Variants in SMU1 observed in about 807,000 individuals in gnomAD.
The protein encoded by SMU1 is WD40 repeat-containing protein SMU1.
SMU1 carries 2 observed loss-of-function variants against 62.0 expected under a neutral mutation model. The observed-to-expected ratio is 0.03, with a 90% CI of 0.01 to 0.10. The LOEUF (loss-of-function observed/expected upper bound fraction) is 0.10, where lower values mean the gene tolerates loss of function less well. Among genes scored for constraint, SMU1 ranks in the 10% least tolerant of loss-of-function variants. The pLI, the probability that SMU1 is intolerant of heterozygous loss-of-function variation, is 1.00. For synonymous variants in SMU1, 188 were observed against 212.4 expected (o/e 0.89, Z 1.00); for missense variants, 227 against 622.1 (o/e 0.36, Z 6.76).
chr9:33,044,372 A>T lies in SMU1; in HGVS notation c.*2921T>A, dbSNP rs1188519129. 1 of 152,252 alleles carries T rather than the reference A, an allele frequency of 6.6e-6. No individual in the cohort carries two copies. Among genetic ancestry groups the T allele is most frequent in the East Asian group, 1.9e-4 (1 of 5,192 alleles). 9.4% of individuals were successfully genotyped at this position (152,252 alleles called of 1,614,324 possible). ...TGACAGTTGGCTCTAGCGGGTGCGC[A>T]GTCTCCCTACCCCCGGTAAGGGGCT... is the stretch of plus-strand genomic sequence containing the variant. On this transcript the variant is annotated 3_prime_UTR_variant, in exon 12 of 12. Transcript: ENST00000397149.
At chr9:33,053,007 CG>C (rs1442162873) in intron 10 of SMU1, 115 bp downstream of exon 10, 1 of 821,702 alleles carries the variant, frequency 1.2e-6, no homozygotes, top group Non-Finnish European at 2.0e-6. Context: ...ACAGCTTAAA[CG>C]GTTTACAGAG....
chr9:33,058,432 T>C (rs1205616812), intron 6 of SMU1, among the ~76,000 whole-genome samples: 1 of 152,174 alleles, frequency 6.6e-6, no homozygotes, highest in Non-Finnish European at 1.5e-5. Flanking sequence ...TACTCCTGCA[T>C]CAGGTTCCTA....
rs1232816466 is a variant in SMU1 at position 33,056,345 on chromosome 9, T to C, written c.996-106A>G. 28 of 1,184,268 alleles carry C rather than the reference T, an allele frequency of 2.4e-5. No individual in the cohort carries two copies. In the Admixed American group the frequency reaches 6.9e-4, roughly 29 times the overall value. 73.4% of individuals were successfully genotyped at this position (1,184,268 alleles called of 1,614,324 possible). ...TAAATTACAGAAGCTCATGTTATAA[T>C]ATTAAGTGAAGAGGGCTATGTGATT... On this transcript the variant is annotated intron_variant, in intron 8 of 11. Transcript: ENST00000397149.
intron 2 of SMU1, among the ~76,000 whole-genome samples, chr9:33,072,559 C>T (rs1284512767): frequency 3.3e-5 from 5 of 151,876 alleles, no homozygotes; most frequent in African/African-American, 9.7e-5. Context: ...TGCCCAGACA[C>T]GGCAGCTCAC....
chr9:33,071,663 TAAAAAA>T, intron 3 of SMU1, 71 bp downstream of exon 3: 1 of 1,159,790 alleles, frequency 8.6e-7, no homozygotes, highest in Non-Finnish European at 1.2e-6. Context: ...AATAAAATGG[TAAAAAA>T]AAAAAAAAAA....
chr9:33,056,509 T>A (rs553225489), intron 8 of SMU1, among the ~76,000 whole-genome samples: 1 of 152,306 alleles, frequency 6.6e-6, no homozygotes, highest in East Asian at 1.9e-4. Context: ...AGCAGGAGAT[T>A]GAGATCAGTG....
chr9:33,059,712 T>C (rs1351305465), intron 6 of SMU1, among the ~76,000 whole-genome samples: 1 of 149,278 alleles, frequency 6.7e-6, no homozygotes, highest in African/African-American at 2.5e-5. Context: ...TTCAAGCAAT[T>C]TTCCTGCCTC....
Position 33,073,743 on chromosome 9 carries a change from C to T in SMU1, c.90G>A (p.Leu30=). Residue 30 remains leucine (L), a synonymous_variant, in exon 2 of 12, where the codon TTG becomes TTA. Coordinates refer to ENST00000397149, the MANE Select transcript of SMU1 (RefSeq NM_018225.3). ...TCAGAGACACAGTAGTCTCCTCCTGCAAGGTGGCTAACGCCCGATGTAAAC... is the reference window on the plus strand; with the variant it reads ...TCAGAGACACAGTAGTCTCCTCCTGTAAGGTGGCTAACGCCCGATGTAAAC... The part of the protein sequence containing the change: ...ENSLHRALAT[L]QEETTVSLNT... The T allele has an allele frequency of 6.2e-7, 1 of 1,614,196 alleles. No homozygotes were observed. The highest frequency in any genetic ancestry group is 8.5e-7 in the Non-Finnish European group (1 of 1,180,000).
At position 33,045,825 on chromosome 9, in the gene SMU1, A is replaced by G. The variant is rs562764086; in HGVS notation, c.*1468T>C. On this transcript the variant is annotated 3_prime_UTR_variant, in exon 12 of 12. Transcript: ENST00000397149. Reference sequence around the variant, plus strand: ...GCACCACTGCACTCCAGCCTGGGCAACAGAGCAAGACTCCATCTCAGAAAA... The same window carrying G: ...GCACCACTGCACTCCAGCCTGGGCAGCAGAGCAAGACTCCATCTCAGAAAA... 4 of 152,256 alleles carry G rather than the reference A, an allele frequency of 2.6e-5. No individual in the cohort carries two copies. Among genetic ancestry groups the G allele is most frequent in the African/African-American group, 9.6e-5 (4 of 41,458 alleles). 9.4% of individuals were successfully genotyped at this position (152,256 alleles called of 1,614,324 possible). A position where few individuals can be genotyped will look rare whatever the true frequency, so the allele number is the denominator to read the frequency against.
intron 4 of SMU1, 131 bp downstream of exon 4, chr9:33,068,693 C>CAA (rs1374016607): frequency 2.5e-5 from 26 of 1,035,324 alleles, no homozygotes; most frequent in Non-Finnish European, 3.4e-5. Context: ...TTTGTAGAGA[C>CAA]AGAGTCTCAC....
At chr9:33,054,621 T>C (rs2119428301) in intron 9 of SMU1, among the ~76,000 whole-genome samples, 1 of 152,274 alleles carries the variant, frequency 6.6e-6, no homozygotes. Flanking sequence ...AAGGGATGGA[T>C]CAAACATTAA....
chr9:33,070,696 T>C (rs150202013), intron 3 of SMU1, among the ~76,000 whole-genome samples: 2,792 of 152,272 alleles, frequency 0.018, 51 homozygotes, highest in Non-Finnish European at 0.027. Flanking sequence ...TAGCTGGACA[T>C]ATAAAAGAAT....
At chr9:33,068,783 G>T in intron 4 of SMU1, 41 bp downstream of exon 4, 2 of 1,606,672 alleles carry the variant, frequency 1.2e-6, no homozygotes, top group Non-Finnish European at 1.7e-6. Flanking sequence ...AGGATGACAG[G>T]TGTGAGCCAC....
intron 10 of SMU1, among the ~76,000 whole-genome samples, chr9:33,051,687 T>C (rs10813928): frequency 0.12 from 18,882 of 152,226 alleles, 1,323 homozygotes; most frequent in East Asian, 0.3. Context: ...TGATCAGTAG[T>C]TGCCAGGGGC....
chr9:33,049,943 C>CA (rs1839225279), intron 10 of SMU1, among the ~76,000 whole-genome samples: 1 of 151,334 alleles, frequency 6.6e-6, no homozygotes, highest in South Asian at 2.1e-4. Flanking sequence ...GCCTCAAAAA[C>CA]AAAAAAGGAA....
In SMU1 at chr9:33,048,098, A is replaced by C. The variant is rs1258478224; in HGVS notation, c.1443+8T>G. 1.2e-6 allele frequency: 2 copies of C among 1,612,990 alleles called. No individual in the cohort carries two copies. The highest frequency in any genetic ancestry group is 4.5e-5 in the East Asian group (2 of 44,874). On this transcript the variant is annotated splice_region_variant and intron_variant, in intron 11 of 11. Coordinates refer to ENST00000397149, the MANE Select transcript of SMU1 (RefSeq NM_018225.3). Reference sequence around the variant, plus strand: ...TTTCTTTAGATGAACTTAGTAAGTAATACTCACTGTCAAAGTTCTCTCCAG... The same window carrying C: ...TTTCTTTAGATGAACTTAGTAAGTACTACTCACTGTCAAAGTTCTCTCCAG...
At chr9:33,050,245 G>C (rs1330673741) in intron 10 of SMU1, among the ~76,000 whole-genome samples, 3 of 152,216 alleles carry the variant, frequency 2.0e-5, no homozygotes, top group Non-Finnish European at 4.4e-5. Flanking sequence ...CTCAATGCTG[G>C]TGAGGATGTG....
rs574173039 is a variant in SMU1, at chr9:33,065,168, T to C, written c.502-2991A>G. On this transcript the variant is annotated intron_variant, in intron 4 of 11. Coordinates refer to ENST00000397149, the MANE Select transcript of SMU1 (RefSeq NM_018225.3). Reference sequence around the variant, plus strand: ...CTAGGTTAAGGTCCAGATTCACAGATCCAAGGGCCTATACTGCAAGTTTCC... The same window carrying C: ...CTAGGTTAAGGTCCAGATTCACAGACCCAAGGGCCTATACTGCAAGTTTCC... Among the ~76,000 whole-genome samples, 3 of 152,282 alleles carry C rather than the reference T, an allele frequency of 2.0e-5. No homozygotes were observed. In the South Asian group the frequency reaches 6.2e-4, roughly 32 times the overall value.
rs556644606 is a variant in SMU1, at chr9:33,045,037, A to T, written c.*2256T>A. 1 of 152,328 alleles carries T rather than the reference A, an allele frequency of 6.6e-6. No homozygotes were observed. The highest frequency in any genetic ancestry group is 6.5e-5 in the Admixed American group (1 of 15,292). The allele number at this position is 152,328 out of a possible 1,614,324, so 9.4% of individuals were successfully genotyped here. The stretch of plus-strand genomic sequence containing the variant: ...TCTTCCCTATGTTTAGGCAGAAACG[A>T]GTCTTTTTTTAACCATATTCATCAC... On this transcript the variant is annotated 3_prime_UTR_variant, in exon 12 of 12. Transcript: ENST00000397149.
Sources: allele counts gnomAD v4.1 joint callset (sites outside exome capture counted in the v4.1 genomes callset), GRCh38; gene constraint gnomAD v4.1.1; transcripts MANE v1.5; gene names NCBI Gene and HGNC (gene_info 2026-07-23, HGNC 2026-07-21).